GPRC5D: variants seen among roughly 807,000 people sequenced by gnomAD.
GPRC5D encodes G protein-coupled receptor class C group 5 member D.
Under a neutral mutation model 29.3 loss-of-function variants are expected in GPRC5D, and 20 were observed. The observed-to-expected ratio is 0.68, with a 90% CI of 0.48 to 0.99. The LOEUF is 0.99. GPRC5D is among the 50% of genes least tolerant of loss of function. The probability of loss-of-function intolerance (pLI) is 0.00; values close to 1 mark genes in which losing one functional copy is unlikely to be tolerated. For synonymous variants in GPRC5D, 178 were observed against 171.3 expected, an observed-to-expected ratio of 1.04 and a Z score of -0.30; for missense variants, 384 against 423.6, an observed-to-expected ratio of 0.91 and a Z score of 0.82.
intron 1 of GPRC5D, among the ~76,000 whole-genome samples, chr12:12,943,786 T>A (rs935568807): frequency 2.6e-5 from 4 of 152,190 alleles, no homozygotes. Context: ...CAGCCAACAT[T>A]CTCATCAAAC....
exon 1 of GPRC5D, chr12:12,949,779 A>G (rs1253092453): frequency 1.9e-6 from 3 of 1,614,186 alleles, no homozygotes; most frequent in Admixed American, 1.7e-5. Flanking sequence ...TGAGCCTTCC[A>G]TGCTGCTTCC....
At chr12:12,940,829 C>G (rs1863126535) in exon 3 of GPRC5D, 2 of 1,603,598 alleles carry the variant, frequency 1.2e-6, no homozygotes, top group African/African-American at 1.3e-5. Flanking sequence ...GGATGAAACA[C>G]TCTTGTGTGG....
chr12:12,950,201 T>C, exon 1 of GPRC5D: 1 of 1,613,490 alleles, frequency 6.2e-7, no homozygotes, highest in Non-Finnish European at 8.5e-7. Context: ...AGGAGCTGGG[T>C]GGGGAGGACA....
At chr12:12,945,225 G>T (rs1427355297) in intron 1 of GPRC5D, among the ~76,000 whole-genome samples, 1 of 151,932 alleles carries the variant, frequency 6.6e-6, no homozygotes, top group Non-Finnish European at 1.5e-5. Flanking sequence ...GGCCGATCTT[G>T]AACTCCTGAC....
At chr12:12,951,179 C>T (rs1299330333), upstream of GPRC5D, among the ~76,000 whole-genome samples, 1 of 152,124 alleles carries the variant, frequency 6.6e-6, no homozygotes, top group Admixed American at 6.5e-5. Context: ...ACTGCTTTCG[C>T]ACCAACCTAA....
Position 12,950,352 on chromosome 12 carries a change from G to A in GPRC5D, c.33C>T (p.Asp11=), listed in dbSNP as rs774440551. ...CCTCGGCGTCACAGAGAAGAAAATAGTCTCCAGTGGACTCGATGCAGTCCT... is the reference window on the plus strand; with the variant it reads ...CCTCGGCGTCACAGAGAAGAAAATAATCTCCAGTGGACTCGATGCAGTCCT... Residue 11 remains aspartate (D), a synonymous_variant, in exon 1 of 3, where the codon GAC becomes GAT. Coordinates refer to ENST00000228887, the Ensembl canonical transcript of GPRC5D. The A allele has an allele frequency of 3.1e-6, 5 of 1,610,520 alleles. No individual in the cohort carries two copies. The Admixed American group carries it at 8.3e-5, about 27-fold the overall frequency.
exon 2 of GPRC5D, chr12:12,942,326 G>C (rs772108975): frequency 1.9e-6 from 3 of 1,610,514 alleles, no homozygotes; most frequent in Non-Finnish European, 2.5e-6. Flanking sequence ...TCACTGTCTC[G>C]GGCTGAAAGC....
chr12:12,944,929 C>T (rs907486167), intron 1 of GPRC5D, among the ~76,000 whole-genome samples: 2 of 54,768 alleles, frequency 3.7e-5, no homozygotes, highest in East Asian at 1.1e-3. Flanking sequence ...CCCTTTCTTC[C>T]TTTTCTTCCC....
chr12:12,951,360 T>C (rs890441653), upstream of GPRC5D, among the ~76,000 whole-genome samples: 1 of 152,198 alleles, frequency 6.6e-6, no homozygotes, highest in Non-Finnish European at 1.5e-5. Context: ...ATCTAAATGC[T>C]AAGCTTCCCT....
intron 1 of GPRC5D, among the ~76,000 whole-genome samples, chr12:12,947,524 TCTTCCTTCCTTC>T (rs978875015): frequency 6.6e-6 from 1 of 151,770 alleles, no homozygotes; most frequent in Admixed American, 6.6e-5. Context: ...TTCCTTCCTT[TCTTCCTTCCTTC>T]CTTCCTCCCT....
intron 1 of GPRC5D, among the ~76,000 whole-genome samples, chr12:12,947,761 C>T (rs1213909673): frequency 2.0e-5 from 3 of 152,014 alleles, no homozygotes; most frequent in South Asian, 2.1e-4. Context: ...TTCGCCATGT[C>T]GCCCAGGCTG....
rs114032323 is a variant in GPRC5D at position 12,941,584 on chromosome 12, C to T, written c.963+677G>A. Among the ~76,000 whole-genome samples, 1,160 of 152,286 alleles carry T rather than the reference C, an allele frequency of 7.6e-3. 22 individuals carry two copies. The highest frequency in any genetic ancestry group is 0.026 in the African/African-American group (1,097 of 41,566). ...ATAAATGATCTGAGGGTGGCTTTCA[C>T]GTTGGGGCTTTAGTTACTTTTGATC... is the stretch of plus-strand genomic sequence containing the variant. On this transcript the variant is annotated intron_variant, in intron 2 of 2. Transcript: ENST00000228887.
chr12:12,942,250 A>C lies in GPRC5D; in HGVS notation c.963+11T>G, dbSNP rs935807099. 1 of 1,557,874 alleles carries C rather than the reference A, an allele frequency of 6.4e-7. No homozygotes were observed. Among genetic ancestry groups the C allele is most frequent in the African/African-American group, 1.4e-5 (1 of 73,956 alleles). ...AGTCCCTCCTGGGTGAATATAGGCG[A>C]GTACATTTACCTGCGGCTGAATGGG... On this transcript the variant is annotated intron_variant, in intron 2 of 2. Coordinates refer to ENST00000228887, the Ensembl canonical transcript of GPRC5D.
intron 1 of GPRC5D, among the ~76,000 whole-genome samples, chr12:12,948,788 G>A (rs1016559996): frequency 1.3e-5 from 2 of 152,174 alleles, no homozygotes; most frequent in African/African-American, 4.8e-5. Context: ...CAGGTGGCTT[G>A]AATCAAAATA....
intron 1 of GPRC5D, among the ~76,000 whole-genome samples, chr12:12,944,885 C>CTT (rs1485361103): frequency 2.4e-5 from 3 of 127,504 alleles, no homozygotes; most frequent in Non-Finnish European, 5.0e-5. Context: ...TTCTTTCTTT[C>CTT]TTTCTTTCTT....
At chr12:12,944,085 CT>C (rs1293787314) in intron 1 of GPRC5D, among the ~76,000 whole-genome samples, 2 of 152,154 alleles carry the variant, frequency 1.3e-5, no homozygotes, top group African/African-American at 4.8e-5. Context: ...TTCCACTGCC[CT>C]TTGCTGCCCA....
At chr12:12,952,091 C>G (rs1174292201), upstream of GPRC5D, 2 of 152,182 alleles carry the variant, frequency 1.3e-5, no homozygotes, top group Admixed American at 1.3e-4. Context: ...AACATGGCCC[C>G]CCAATTCCAA....
intron 1 of GPRC5D, among the ~76,000 whole-genome samples, chr12:12,944,853 C>CCTTCCTTTCCTTCTTTCTTTCTTTCTT (rs1863257866): frequency 1.5e-5 from 1 of 67,156 alleles, no homozygotes; most frequent in African/African-American, 5.8e-5. Context: ...TTCCTTCCTT[C>CCTTCCTTTCCTTCTTTCTTTCTTTCTT]TTTCTTTCTT....
rs772860443 is a variant in GPRC5D, at chr12:12,950,047, T to C, written c.338A>G (p.Asn113Ser). ...ACAACCCCGAACCAGCTTCACTAGATTGGAGGCATGAGCTAAGAGGCATGA... is the reference window on the plus strand; with the variant it reads ...ACAACCCCGAACCAGCTTCACTAGACTGGAGGCATGAGCTAAGAGGCATGA... The change falls in exon 1 of 3, where the codon AAT (asparagine) becomes AGT (serine). Residue 113 changes from asparagine to serine, a missense_variant. Asn to Ser is a conservative substitution (Grantham distance 46). Coordinates refer to ENST00000228887, the Ensembl canonical transcript of GPRC5D. 13 of 1,613,812 alleles carry C rather than the reference T, an allele frequency of 8.1e-6. No homozygotes were observed. The highest frequency in any genetic ancestry group is 1.1e-5 in the Non-Finnish European group (13 of 1,179,852).
Sources: allele counts gnomAD v4.1 joint callset (sites outside exome capture counted in the v4.1 genomes callset), GRCh38; gene constraint gnomAD v4.1.1; transcripts MANE v1.5; gene names NCBI Gene and HGNC (gene_info 2026-07-23, HGNC 2026-07-21).